Variants in SCAP observed in about 807,000 individuals in gnomAD.
SCAP encodes the protein SREBF chaperone.
A neutral mutation model predicts 123.6 loss-of-function variants in SCAP; 65 were observed. The ratio of observed to expected loss-of-function variants is 0.53; its 90% confidence interval spans 0.43 to 0.65. The LOEUF is 0.65. Ranked by LOEUF, SCAP falls within the 30% of genes least tolerant of loss-of-function variation. The pLI is 0.00. For synonymous variants in SCAP, 740 were observed against 726.3 expected (o/e 1.02, Z -0.30); for missense variants, 1,398 against 1,712.5 (o/e 0.82, Z 3.24).
Position 47,417,126 on chromosome 3 carries a change from T to C in SCAP, c.3052A>G (p.Lys1018Glu), listed in dbSNP as rs368071859. The change falls in exon 18 of 23, where the codon AAA (lysine) becomes GAA (glutamate). Residue 1018 changes from lysine to glutamate, a missense_variant. Lys to Glu is a moderately conservative substitution (Grantham distance 56, BLOSUM62 1). Coordinates refer to ENST00000265565, the MANE Select transcript of SCAP (RefSeq NM_012235.4). ...SGITALVFLD[K>E]RIVAARLNGS... is the part of the protein sequence containing the mutation. ...GCTGAGGCAGGCCACGCTCACCTTTTGTCCAAGAACACCAGAGCGGTAATG... is the reference window on the plus strand; with the variant it reads ...GCTGAGGCAGGCCACGCTCACCTTTCGTCCAAGAACACCAGAGCGGTAATG... The C allele has an allele frequency of 3.1e-6, 5 of 1,613,032 alleles. No homozygotes were observed. The highest frequency in any genetic ancestry group is 2.2e-5 in the East Asian group (1 of 44,882).
chr3:47,425,063 A>C (rs1324887555), intron 8 of SCAP, among the ~76,000 whole-genome samples: 9 of 152,236 alleles, frequency 5.9e-5, no homozygotes, highest in Admixed American at 5.9e-4. Context: ...ATCATGAAAA[A>C]AAAAATGTTC....
chr3:47,435,175 T>C (rs778389126), intron 2 of SCAP, 38 bp from the exon 3 acceptor site: 1 of 1,583,786 alleles, frequency 6.3e-7, no homozygotes, highest in East Asian at 2.3e-5. Context: ...TTAGACACTA[T>C]GAGAGGCAGT....
In SCAP at chr3:47,414,902, T is replaced by C; in HGVS notation, c.3231A>G (p.Ala1077=). The C allele has an allele frequency of 6.2e-7, 1 of 1,612,798 alleles. No individual in the cohort carries two copies. The highest frequency in any genetic ancestry group is 8.5e-7 in the Non-Finnish European group (1 of 1,179,822). The change falls in exon 20 of 23, where the codon GCA becomes GCG. Residue 1077 remains alanine (A), a synonymous_variant. Transcript: ENST00000265565. ...ACHLTHTVPC[A]HQKPITALKA... is the part of the protein sequence containing the mutation. ...TCAGGGCTGTGATGGGTTTTTGGTG[T>C]GCACAGGGCACTGTGTGGGTCAGGT...
At chr3:47,426,234 C>T (rs1706123679) in intron 6 of SCAP, 65 bp from the exon 7 acceptor site, 1 of 1,514,684 alleles carries the variant, frequency 6.6e-7, no homozygotes. Context: ...CAAAGACAAT[C>T]CCCGGACAGA....
chr3:47,417,311 C>A lies in SCAP; in HGVS notation c.2963G>T (p.Arg988Leu), dbSNP rs780168122. 3 of 1,612,194 alleles carry A rather than the reference C, an allele frequency of 1.9e-6. No individual in the cohort carries two copies. Among genetic ancestry groups the A allele is most frequent in the Non-Finnish European group, 1.7e-6 (2 of 1,179,726 alleles). ...NLIVVGRSSG[R>L]LEVWDAIEGV... The stretch of plus-strand genomic sequence containing the variant: ...TTTAGCCCCTCTGCCCACCTCCAGC[C>A]GGCCGCTGCTCCGCCCCACCACGAT... Residue 988 changes from arginine (R) to leucine (L), a missense_variant, in exon 17 of 23, where the codon CGG (arginine) becomes CTG (leucine). Around this residue, in one of 7 missense-constraint regions of SCAP, gnomAD observed 828 missense variants for 882.5 expected, o/e 0.94. Transcript: ENST00000265565.
chr3:47,416,615 C>CTTTT (rs3077503), intron 18 of SCAP, among the ~76,000 whole-genome samples: 2 of 70,220 alleles, frequency 2.8e-5, no homozygotes, highest in African/African-American at 1.2e-4. Context: ...ACCCCTAACG[C>CTTTT]TTTTTTTTTT....
chr3:47,473,273 G>T lies in SCAP; in HGVS notation c.-99+2526C>A, dbSNP rs191065415. 4.6e-5 allele frequency among the ~76,000 whole-genome samples: 7 copies of T among 152,026 alleles called. No individual in the cohort carries two copies. The East Asian group carries it at 1.4e-3, about 29-fold the overall frequency. ...GGTGATAACAGTGTTATCTCACCTGGTTATTATGAAAACTAAGTGAGATAA... is the reference window on the plus strand; with the variant it reads ...GGTGATAACAGTGTTATCTCACCTGTTTATTATGAAAACTAAGTGAGATAA... On this transcript the variant is annotated intron_variant, in intron 1 of 22. Coordinates refer to ENST00000265565, the MANE Select transcript of SCAP (RefSeq NM_012235.4).
At chr3:47,470,303 G>A (rs961271648) in intron 1 of SCAP, among the ~76,000 whole-genome samples, 22 of 152,122 alleles carry the variant, frequency 1.4e-4, no homozygotes, top group Non-Finnish European at 2.4e-4. Context: ...GTGCATCACC[G>A]TTGGGAAAAA....
intron 3 of SCAP, 69 bp downstream of exon 3, chr3:47,434,939 C>A: frequency 1.2e-6 from 2 of 1,606,150 alleles, no homozygotes; most frequent in Non-Finnish European, 1.7e-6. Context: ...ATCTCACTGG[C>A]AGACCCCTGC....
At chr3:47,458,774 G>A (rs898674847) in intron 1 of SCAP, among the ~76,000 whole-genome samples, 2 of 152,172 alleles carry the variant, frequency 1.3e-5, no homozygotes, top group African/African-American at 4.8e-5. Flanking sequence ...CAAAGGGACT[G>A]AACTGCTGCT....
chr3:47,447,661 C>A (rs1707094933), intron 1 of SCAP, among the ~76,000 whole-genome samples: 1 of 151,584 alleles, frequency 6.6e-6, no homozygotes, highest in Non-Finnish European at 1.5e-5. Context: ...TGCACTCCAG[C>A]CTGGGCAATA....
At chr3:47,435,162 G>C (rs753470952) in intron 2 of SCAP, 25 bp from the exon 3 acceptor site, 2 of 1,602,262 alleles carry the variant, frequency 1.2e-6, no homozygotes, top group Non-Finnish European at 1.7e-6. Flanking sequence ...AAGGAGATAA[G>C]AATTAGACAC....
intron 4 of SCAP, among the ~76,000 whole-genome samples, chr3:47,428,213 C>T (rs1706221076): frequency 6.6e-6 from 1 of 152,096 alleles, no homozygotes; most frequent in Non-Finnish European, 1.5e-5. Context: ...ACATTCACAC[C>T]ATAACCCACA....
rs1188310633 is a variant in SCAP at position 47,418,246 on chromosome 3, T to G, written c.2335A>C (p.Ile779Leu). ...PLVLRGHLMD[I>L]ECLASDGMLL... is the part of the protein sequence containing the mutation. ...ATGCCGTCGCTGGCCAGGCACTCGA[T>G]GTCCTGCAGAAGCCCGGTGTTGGTA... is the stretch of plus-strand genomic sequence containing the variant. Residue 779 changes from isoleucine (I) to leucine (L), a missense_variant, in exon 16 of 23, where the codon ATC (isoleucine) becomes CTC (leucine). Transcript: ENST00000265565. 2 of 1,564,458 alleles carry G rather than the reference T, an allele frequency of 1.3e-6. No homozygotes were observed. Among genetic ancestry groups the G allele is most frequent in the Non-Finnish European group, 1.7e-6 (2 of 1,154,914 alleles).
chr3:47,433,589 G>A (rs570174501), intron 3 of SCAP, among the ~76,000 whole-genome samples: 9 of 152,268 alleles, frequency 5.9e-5, no homozygotes, highest in South Asian at 2.1e-4. Context: ...AATGAAGTCC[G>A]GACACAATGG....
chr3:47,444,581 T>G (rs1706950975), intron 1 of SCAP, among the ~76,000 whole-genome samples: 1 of 151,524 alleles, frequency 6.6e-6, no homozygotes, highest in Non-Finnish European at 1.5e-5. Flanking sequence ...TTCAAGTGAT[T>G]CTCCCACCTA....
rs1201274755 is a variant in SCAP, at chr3:47,419,583, G to C, written c.1685C>G (p.Pro562Arg). 1 of 1,610,342 alleles carries C rather than the reference G, an allele frequency of 6.2e-7. No individual in the cohort carries two copies. The highest frequency in any genetic ancestry group is 1.7e-5 in the Admixed American group (1 of 59,760). Reference sequence around the variant, plus strand: ...GGGGGGCAGCATGCCACTAGGCACGGGCATGGGAGCCAGGGCTCCCTCACC... The same window carrying C: ...GGGGGGCAGCATGCCACTAGGCACGCGCATGGGAGCCAGGGCTCCCTCACC... ...PLGEGALAPM[P>R]VPSGMLPPSH... Residue 562 changes from proline to arginine, a missense_variant, in exon 13 of 23, where the codon CCC (proline) becomes CGC (arginine). Coordinates refer to ENST00000265565, the MANE Select transcript of SCAP (RefSeq NM_012235.4). The surrounding 1 kb of genome is among the most constrained non-coding windows in gnomAD (Gnocchi z 5.0).
chr3:47,422,764 G>A (rs931431634), intron 9 of SCAP: 11 of 458,468 alleles, frequency 2.4e-5, no homozygotes, highest in African/African-American at 4.0e-5. Context: ...ACAGCCTGGA[G>A]GGTGCAGAGG....
At chr3:47,455,289 A>G (rs1188515344) in intron 1 of SCAP, among the ~76,000 whole-genome samples, 3 of 151,706 alleles carry the variant, frequency 2.0e-5, no homozygotes, top group Admixed American at 2.0e-4. Flanking sequence ...TTAAAAAGAA[A>G]TGTAAGAAAT....
Sources: allele counts gnomAD v4.1 joint callset (sites outside exome capture counted in the v4.1 genomes callset), GRCh38; gene constraint gnomAD v4.1.1; regional missense constraint gnomAD v4.1.1; non-coding constraint Gnocchi (gnomAD v3.1); transcripts MANE v1.5; gene names NCBI Gene and HGNC (gene_info 2026-07-23, HGNC 2026-07-21).